SYNE2: variants seen among roughly 807,000 people sequenced by gnomAD.
SYNE2 encodes the protein spectrin repeat containing nuclear envelope protein 2, also known as nesprin-2.
Under a neutral mutation model 856.3 loss-of-function variants are expected in SYNE2, and 431 were observed. The ratio of observed to expected loss-of-function variants is 0.50; its 90% CI spans 0.47 to 0.55. The LOEUF (loss-of-function observed/expected upper bound fraction) is 0.55, where lower values mean the gene tolerates loss of function less well. Among genes scored for constraint, SYNE2 ranks in the 20% least tolerant of loss-of-function variants. The pLI is 0.00. For synonymous variants in SYNE2, 2,923 were observed against 2,872.3 expected, an observed-to-expected ratio of 1.02 and a Z score of -0.56; for missense variants, 8,129 against 8,023.2, an observed-to-expected ratio of 1.01 and a Z score of -0.50.
intron 51 of SYNE2, among the ~76,000 whole-genome samples, chr14:64,066,640 T>C (rs917199208): frequency 3.3e-5 from 5 of 152,248 alleles, no homozygotes; most frequent in African/African-American, 9.6e-5. Flanking sequence ...GACTAGTGAA[T>C]AGTCTCTTGA....
chr14:64,050,981 A>G lies in SYNE2; in HGVS notation c.7644-576A>G, dbSNP rs559544446. On this transcript the variant is annotated intron_variant, in intron 47 of 115. Transcript: ENST00000555002. ...GGTTGCAGTGAGCTGAGATCACACC[A>G]CTGCATTCCAGCCTGGGTGACAGAG... Among the ~76,000 whole-genome samples the G allele has an allele frequency of 1.8e-3, 278 of 151,800 alleles. 1 individual carries two copies. The highest frequency in any genetic ancestry group is 6.6e-3 in the African/African-American group (273 of 41,358).
intron 66 of SYNE2, among the ~76,000 whole-genome samples, chr14:64,115,246 A>G (rs2097845241): frequency 6.6e-6 from 1 of 152,210 alleles, no homozygotes; most frequent in South Asian, 2.1e-4. Flanking sequence ...ACCAGGTGGC[A>G]GTTGCACCCA....
intron 77 of SYNE2, 52 bp downstream of exon 77, chr14:64,132,490 A>T: frequency 6.2e-7 from 1 of 1,604,310 alleles, no homozygotes; most frequent in Non-Finnish European, 8.5e-7. Flanking sequence ...CTGATTTTCC[A>T]TCACCACCCC....
At chr14:64,186,216 CAG>C (rs1289567668) in intron 96 of SYNE2, among the ~76,000 whole-genome samples, 1 of 152,132 alleles carries the variant, frequency 6.6e-6, no homozygotes, top group Non-Finnish European at 1.5e-5. Flanking sequence ...AAAGGTAGAA[CAG>C]AGTTTTCCTT....
intron 99 of SYNE2, among the ~76,000 whole-genome samples, chr14:64,195,171 A>G (rs2098535543): frequency 6.6e-6 from 1 of 152,226 alleles, no homozygotes; most frequent in Non-Finnish European, 1.5e-5. Flanking sequence ...GAAAGCGTTC[A>G]GTATCTGATA....
At chr14:64,113,901 A>G (rs1344699849) in intron 66 of SYNE2, among the ~76,000 whole-genome samples, 1 of 152,194 alleles carries the variant, frequency 6.6e-6, no homozygotes, top group African/African-American at 2.4e-5. Flanking sequence ...TAAGGTATTT[A>G]AAGTAGTGTC....
At chr14:63,926,449 G>A (rs1442045516) in intron 2 of SYNE2, among the ~76,000 whole-genome samples, 3 of 152,104 alleles carry the variant, frequency 2.0e-5, no homozygotes, top group Non-Finnish European at 4.4e-5. Context: ...TCTGTAAAGG[G>A]CCAGGTAGTA....
chr14:63,980,233 T>C (rs945483114), intron 14 of SYNE2, among the ~76,000 whole-genome samples: 1 of 152,226 alleles, frequency 6.6e-6, no homozygotes, highest in Non-Finnish European at 1.5e-5. Context: ...TTTTGTGTGA[T>C]GGATATCTTT....
intron 98 of SYNE2, among the ~76,000 whole-genome samples, chr14:64,189,574 C>T (rs1277199498): frequency 1.3e-5 from 2 of 152,196 alleles, no homozygotes; most frequent in African/African-American, 4.8e-5. Context: ...AAACAGAGGG[C>T]TTTTGAATTA....
intron 102 of SYNE2, 25 bp from the exon 103 acceptor site, chr14:64,209,917 C>A (rs777592426): frequency 6.2e-7 from 1 of 1,614,004 alleles, no homozygotes; most frequent in East Asian, 2.2e-5. Flanking sequence ...CATGCTTTGG[C>A]TCTGACCCCT....
At chr14:64,049,257 A>G (rs1595134561) in intron 46 of SYNE2, 2 of 155,618 alleles carry the variant, frequency 1.3e-5, no homozygotes, top group Non-Finnish European at 2.8e-5. Context: ...CAGCCTGGGC[A>G]ATATAGCAAG....
intron 49 of SYNE2, among the ~76,000 whole-genome samples, chr14:64,060,954 C>G (rs1028091214): frequency 1.3e-5 from 2 of 152,178 alleles, no homozygotes; most frequent in Non-Finnish European, 2.9e-5. Flanking sequence ...CTTTCCCTCC[C>G]CCACGTGCAC....
In SYNE2 at chr14:64,010,561, CTA is replaced by C. The variant is rs566339198; in HGVS notation, c.4728+447_4728+448del. ...CAAGCTTATTACCACTTTGCTCCAT[CTA>C]TGTTTATATTCTAAGAAGAGTAATA... On this transcript the variant is annotated intron_variant, in intron 32 of 115. Coordinates refer to ENST00000555002, the MANE Select transcript of SYNE2 (RefSeq NM_182914.3). Among the ~76,000 whole-genome samples the C allele has an allele frequency of 3.3e-3, 507 of 152,226 alleles. 1 individual carries two copies. Among genetic ancestry groups the C allele is most frequent in the African/African-American group, 0.012 (483 of 41,524 alleles).
intron 103 of SYNE2, among the ~76,000 whole-genome samples, chr14:64,210,512 C>T (rs372639155): frequency 3.3e-5 from 5 of 152,206 alleles, no homozygotes; most frequent in African/African-American, 4.8e-5. Context: ...TGGGACCCCC[C>T]CCAGCTCTCG....
chr14:64,128,611 T>G, intron 74 of SYNE2, 58 bp downstream of exon 74: 1 of 1,041,288 alleles, frequency 9.6e-7, no homozygotes, highest in East Asian at 2.4e-5. Flanking sequence ...GCTTTGCATA[T>G]AAGCCGTGCT....
chr14:64,059,373 T>C (rs1237331860), intron 49 of SYNE2, among the ~76,000 whole-genome samples: 1 of 152,234 alleles, frequency 6.6e-6, no homozygotes, highest in Non-Finnish European at 1.5e-5. Context: ...GGTAGTCATA[T>C]CTGCTTACAG....
chr14:63,964,787 G>A (rs1030538460), intron 10 of SYNE2, among the ~76,000 whole-genome samples: 1 of 152,092 alleles, frequency 6.6e-6, no homozygotes, highest in African/African-American at 2.4e-5. Context: ...GCCTCCCAAA[G>A]TGCTGGGATT....
At chr14:63,891,962 C>T (rs930439933) in intron 1 of SYNE2, among the ~76,000 whole-genome samples, 2 of 152,020 alleles carry the variant, frequency 1.3e-5, no homozygotes, top group Admixed American at 1.3e-4. Context: ...GCAGCTGCCA[C>T]GAAAATTGGC....
chr14:63,848,835 C>T (rs1235209861), upstream of SYNE2, among the ~76,000 whole-genome samples: 3 of 152,190 alleles, frequency 2.0e-5, no homozygotes, highest in Non-Finnish European at 2.9e-5. Context: ...CACCAGGCTC[C>T]ACGCTTGGCA....
Sources: gnomAD v4.1 joint callset for allele counts (sites outside exome capture counted in the v4.1 genomes callset) on GRCh38, gnomAD v4.1.1 for gene constraint, MANE v1.5 for transcripts, NCBI Gene and HGNC (gene_info 2026-07-23, HGNC 2026-07-21) for gene names.